TRPC7: variants seen among roughly 807,000 people sequenced by gnomAD.
TRPC7 encodes the protein transient receptor potential cation channel subfamily C member 7.
A neutral mutation model predicts 90.1 loss-of-function variants in TRPC7; 42 were observed. The observed-to-expected ratio is 0.47, with a 90% CI of 0.36 to 0.60. The LOEUF is 0.60. TRPC7 is among the 20% of genes least tolerant of loss of function. The probability of loss-of-function intolerance (pLI) is 0.00; values close to 1 mark genes in which losing one functional copy is unlikely to be tolerated. For missense variants in TRPC7, 955 were observed against 1,112.3 expected (o/e 0.86, Z 2.01); for synonymous variants, 451 against 436.3 (o/e 1.03, Z -0.42).
intron 3 of TRPC7, among the ~76,000 whole-genome samples, chr5:136,291,538 G>A (rs1251726155): frequency 2.7e-4 from 41 of 152,146 alleles, no homozygotes; most frequent in Non-Finnish European, 4.7e-4. Flanking sequence ...ATCAAAAGAG[G>A]CAAAGAAGGC....
At chr5:136,301,890 T>C (rs147390247) in intron 3 of TRPC7, among the ~76,000 whole-genome samples, 18,378 of 152,226 alleles carry the variant, frequency 0.12, 1,157 homozygotes, top group African/African-American at 0.14. Context: ...ATCCCCCGTC[T>C]TCCTGCTCTT....
Position 136,334,242 on chromosome 5 carries a change from G to T in TRPC7, c.781-18463C>A, listed in dbSNP as rs574751192. On this transcript the variant is annotated intron_variant, in intron 2 of 11. Transcript: ENST00000513104. ...ATTATGGATTCAGAGTAAGAAATGT[G>T]CATGAGACTCATTTAAAAGAGTAAT... Among the ~76,000 whole-genome samples the T allele has an allele frequency of 6.6e-5, 10 of 152,294 alleles. No individual in the cohort carries two copies. The South Asian group carries it at 1.9e-3, about 28-fold the overall frequency.
chr5:136,347,720 T>C (rs1005429393), intron 2 of TRPC7, among the ~76,000 whole-genome samples: 7 of 152,146 alleles, frequency 4.6e-5, no homozygotes, highest in Admixed American at 1.3e-4. Context: ...AGGTGAAAAA[T>C]TGGAATTGAC....
intron 3 of TRPC7, among the ~76,000 whole-genome samples, chr5:136,296,300 A>G (rs371664424): frequency 3.1e-4 from 47 of 152,362 alleles, no homozygotes; most frequent in African/African-American, 1.1e-3. Flanking sequence ...CAAAGTGCAG[A>G]TGAAACCAGG....
intron 10 of TRPC7, among the ~76,000 whole-genome samples, chr5:136,219,237 T>C (rs1755373864): frequency 6.6e-6 from 1 of 152,234 alleles, no homozygotes; most frequent in Admixed American, 6.5e-5. Flanking sequence ...AGCACTGGCA[T>C]GCTCGATCTG....
intron 10 of TRPC7, among the ~76,000 whole-genome samples, chr5:136,217,988 A>G (rs1177297326): frequency 6.7e-6 from 1 of 149,356 alleles, no homozygotes; most frequent in African/African-American, 2.5e-5. Flanking sequence ...ACTGCACTCC[A>G]GCCTGGGCAA....
intron 5 of TRPC7, among the ~76,000 whole-genome samples, chr5:136,259,710 A>G (rs1299594321): frequency 6.6e-6 from 1 of 152,204 alleles, no homozygotes; most frequent in Non-Finnish European, 1.5e-5. Context: ...ACAGATTCCT[A>G]TGGTATGTGT....
rs184390213 is a variant in TRPC7 at position 136,338,978 on chromosome 5, A to G, written c.780+17630T>C. Among the ~76,000 whole-genome samples the G allele has an allele frequency of 1.2e-3, 185 of 152,324 alleles. 1 individual carries two copies. Among genetic ancestry groups the G allele is most frequent in the East Asian group, 9.6e-4 (5 of 5,186 alleles). On this transcript the variant is annotated intron_variant, in intron 2 of 11. Coordinates refer to ENST00000513104, the MANE Select transcript of TRPC7 (RefSeq NM_020389.3). ...TTGACTTCTGTTGTGGCTGAAAAATACGTATCTGGGGTTTGATGGGGAAAT... is the reference window on the plus strand; with the variant it reads ...TTGACTTCTGTTGTGGCTGAAAAATGCGTATCTGGGGTTTGATGGGGAAAT...
intron 5 of TRPC7, among the ~76,000 whole-genome samples, chr5:136,264,611 T>A (rs1279952019): frequency 6.6e-6 from 1 of 151,960 alleles, no homozygotes; most frequent in Non-Finnish European, 1.5e-5. Flanking sequence ...TTTTCTTTTT[T>A]AGACAGAGTC....
rs761777158 is a variant in TRPC7, at chr5:136,356,898, C to T, written c.490G>A (p.Asp164Asn). The T allele has an allele frequency of 1.2e-6, 2 of 1,613,932 alleles. No homozygotes were observed. The highest frequency in any genetic ancestry group is 1.7e-6 in the Non-Finnish European group (2 of 1,179,980). The change falls in exon 2 of 12, where the codon GAC (aspartate) becomes AAC (asparagine). Residue 164 changes from aspartate (D) to asparagine (N), a missense_variant. Physicochemically the swap from Asp to Asn is conservative, Grantham distance 23 (BLOSUM62 1). This residue lies in a region of TRPC7 where 484 missense variants were observed against 509.6 expected (regional missense o/e 0.95). Transcript: ENST00000513104. ...GCCGCCAGGATGATGGGCGTGATGT[C>T]GTGGGAGAAGCGCGTGCCGTCCTCG... is the stretch of plus-strand genomic sequence containing the variant. ...YDEDGTRFSH[D>N]ITPIILAAHC...
In TRPC7 at chr5:136,251,281, C is replaced by T. The variant is rs573714057; in HGVS notation, c.1579+368G>A. The stretch of plus-strand genomic sequence containing the variant: ...ATCCAATATAGAAGGAAAATTCTTC[C>T]GCATATACATATCCCTTTAGCGCTC... On this transcript the variant is annotated intron_variant, in intron 6 of 11. Transcript: ENST00000513104. Among the ~76,000 whole-genome samples the T allele has an allele frequency of 2.4e-4, 37 of 152,236 alleles. 1 individual carries two copies. Among genetic ancestry groups the T allele is most frequent in the Admixed American group, 3.3e-4 (5 of 15,288 alleles).
intron 6 of TRPC7, among the ~76,000 whole-genome samples, chr5:136,248,207 T>C (rs2149804327): frequency 6.6e-6 from 1 of 152,350 alleles, no homozygotes; most frequent in African/African-American, 2.4e-5. Flanking sequence ...GGCAAGAGCA[T>C]GGACTTGGGA....
chr5:136,307,967 C>G (rs1406281484), intron 3 of TRPC7, among the ~76,000 whole-genome samples: 1 of 152,082 alleles, frequency 6.6e-6, no homozygotes, highest in Non-Finnish European at 1.5e-5. Flanking sequence ...ATGAGAAAAT[C>G]AAGGCCCAGA....
chr5:136,288,407 AT>A (rs11459384), intron 3 of TRPC7, among the ~76,000 whole-genome samples: 49,497 of 147,410 alleles, frequency 0.34, 8,455 homozygotes, highest in South Asian at 0.5. Context: ...AGAAGTAGAG[AT>A]TTTTTTTTTT....
chr5:136,279,433 G>A (rs1210895524), intron 3 of TRPC7, among the ~76,000 whole-genome samples: 1 of 152,186 alleles, frequency 6.6e-6, no homozygotes, highest in East Asian at 1.9e-4. Flanking sequence ...GGGGGTGAAG[G>A]CAGGAGCTGT....
At chr5:136,272,162 T>G (rs1757232149) in intron 4 of TRPC7, among the ~76,000 whole-genome samples, 1 of 152,224 alleles carries the variant, frequency 6.6e-6, no homozygotes. Context: ...GGTGTAATAA[T>G]GTCATTAGAA....
chr5:136,301,591 T>C (rs1758390791), intron 3 of TRPC7, among the ~76,000 whole-genome samples: 1 of 152,102 alleles, frequency 6.6e-6, no homozygotes, highest in Non-Finnish European at 1.5e-5. Context: ...TCTCCCCAAC[T>C]CTTAAGAAGG....
intron 2 of TRPC7, among the ~76,000 whole-genome samples, chr5:136,341,162 T>C (rs1216153075): frequency 2.0e-5 from 3 of 152,168 alleles, no homozygotes; most frequent in Non-Finnish European, 4.4e-5. Context: ...TACAGAAAGT[T>C]GTACATATTA....
At chr5:136,269,089 G>A (rs750071628) in intron 4 of TRPC7, among the ~76,000 whole-genome samples, 1 of 152,196 alleles carries the variant, frequency 6.6e-6, no homozygotes, top group African/African-American at 2.4e-5. Context: ...GCTGGGTCAG[G>A]TATCAGCGTT....
Sources: gnomAD v4.1 joint callset for allele counts (sites outside exome capture counted in the v4.1 genomes callset) on GRCh38, gnomAD v4.1.1 for gene constraint, gnomAD v4.1.1 regional missense constraint, MANE v1.5 for transcripts, NCBI Gene and HGNC (gene_info 2026-07-23, HGNC 2026-07-21) for gene names.